The following FBXO42 variants were observed in gnomAD, a reference collection of about 807,000 sequenced individuals.
The protein encoded by FBXO42 is F-box only protein 42.
In FBXO42, 12 loss-of-function variants were observed where a neutral mutation model predicts 71.7. That is an observed-to-expected ratio of 0.17 (90% confidence interval 0.11 to 0.27). The LOEUF (loss-of-function observed/expected upper bound fraction) is 0.27, where lower values mean the gene tolerates loss of function less well. FBXO42 is among the 10% of genes least tolerant of loss of function. FBXO42 has a pLI of 1.00. For missense variants in FBXO42, 707 were observed against 911.9 expected, an observed-to-expected ratio of 0.78 and a Z score of 2.89; for synonymous variants, 325 against 327.5, an observed-to-expected ratio of 0.99 and a Z score of 0.08.
At chr1:16,316,303 A>AC (rs1019290496) in intron 1 of FBXO42, among the ~76,000 whole-genome samples, 2 of 151,848 alleles carry the variant, frequency 1.3e-5, no homozygotes, top group African/African-American at 4.8e-5. Flanking sequence ...TGTGGTGTTT[A>AC]CCCCGAGATA....
intron 4 of FBXO42, among the ~76,000 whole-genome samples, chr1:16,263,778 A>C (rs556457414): frequency 6.6e-6 from 1 of 151,650 alleles, no homozygotes; most frequent in African/African-American, 2.4e-5. Flanking sequence ...AAACAAAACA[A>C]AAACAAAAAA....
rs12038030 is a variant in FBXO42, at chr1:16,330,126, T to C, written c.-17-14691A>G. ...ATGTAGCTAGACACTAAGCTAGTTT[T>C]ACAATGGACAGAAAGTAATTTCATT... On this transcript the variant is annotated intron_variant, in intron 1 of 9. Coordinates refer to ENST00000375592, the MANE Select transcript of FBXO42 (RefSeq NM_018994.3). Among the ~76,000 whole-genome samples, 747 of 152,350 alleles carry C rather than the reference T, an allele frequency of 4.9e-3. 20 individuals carry two copies. The highest frequency in any genetic ancestry group is 0.042 in the East Asian group (218 of 5,192).
chr1:16,273,385 T>C (rs1038407326), intron 4 of FBXO42, among the ~76,000 whole-genome samples: 1 of 152,198 alleles, frequency 6.6e-6, no homozygotes, highest in African/African-American at 2.4e-5. Flanking sequence ...TACTTAGTTA[T>C]ATCATCAGAT....
At chr1:16,285,757 A>G (rs2082015386) in intron 4 of FBXO42, among the ~76,000 whole-genome samples, 1 of 152,150 alleles carries the variant, frequency 6.6e-6, no homozygotes, top group South Asian at 2.1e-4. Flanking sequence ...CTGGCTTCCC[A>G]GATGCCACAT....
Position 16,249,277 on chromosome 1 carries a change from T to C in FBXO42, c.*1393A>G, listed in dbSNP as rs948699421. The C allele has an allele frequency of 2.0e-5, 3 of 152,238 alleles. No homozygotes were observed. Among genetic ancestry groups the C allele is most frequent in the East Asian group, 3.8e-4 (2 of 5,202 alleles). The allele number at this position is 152,238 out of a possible 1,614,324, so 9.4% of individuals were successfully genotyped here. On this transcript the variant is annotated 3_prime_UTR_variant, in exon 10 of 10. Coordinates refer to ENST00000375592, the MANE Select transcript of FBXO42 (RefSeq NM_018994.3). ...TGTATCAAGCAAAGAAATGCTCTACTTGGTTACACCTTAATCTCAGAAATG... is the reference window on the plus strand; with the variant it reads ...TGTATCAAGCAAAGAAATGCTCTACCTGGTTACACCTTAATCTCAGAAATG...
At chr1:16,290,362 C>T (rs1313981903) in intron 4 of FBXO42, among the ~76,000 whole-genome samples, 2 of 152,082 alleles carry the variant, frequency 1.3e-5, no homozygotes, top group African/African-American at 4.8e-5. Flanking sequence ...TAGATGAGGT[C>T]ATGAGGGTAG....
chr1:16,289,063 C>T (rs2082051480), intron 4 of FBXO42, among the ~76,000 whole-genome samples: 1 of 151,544 alleles, frequency 6.6e-6, no homozygotes, highest in Non-Finnish European at 1.5e-5. Context: ...TTCTTGCCTT[C>T]CTTCATTTCC....
At chr1:16,319,369 A>G (rs888487140) in intron 1 of FBXO42, among the ~76,000 whole-genome samples, 1 of 152,218 alleles carries the variant, frequency 6.6e-6, no homozygotes, top group Non-Finnish European at 1.5e-5. Flanking sequence ...GAACTCATAA[A>G]ATTGCTTCCC....
intron 6 of FBXO42, 93 bp from the exon 7 acceptor site, chr1:16,253,824 GCAAACTTGCA>G: frequency 9.0e-7 from 1 of 1,106,032 alleles, no homozygotes. Flanking sequence ...GGCCCATCTG[GCAAACTTGCA>G]CCATTTTCAC....
At position 16,341,472 on chromosome 1, in the gene FBXO42, C is replaced by T. The variant is rs144451540; in HGVS notation, c.-18+10783G>A. Among the ~76,000 whole-genome samples, 361 of 151,706 alleles carry T rather than the reference C, an allele frequency of 2.4e-3. 7 individuals are homozygous for T. The East Asian group carries it at 0.055, about 23-fold the overall frequency. ...AAAATTATTTGGGAGTGGTGGTGCACGCCTGTAATCCCAGCTACTCAGGAG... is the reference window on the plus strand; with the variant it reads ...AAAATTATTTGGGAGTGGTGGTGCATGCCTGTAATCCCAGCTACTCAGGAG... On this transcript the variant is annotated intron_variant, in intron 1 of 9. Transcript: ENST00000375592.
At chr1:16,325,696 AC>A (rs1440612307) in intron 1 of FBXO42, among the ~76,000 whole-genome samples, 2 of 152,096 alleles carry the variant, frequency 1.3e-5, no homozygotes, top group African/African-American at 4.8e-5. Context: ...TGGCTTTGTC[AC>A]CTAGGCTGGA....
chr1:16,304,729 G>A (rs2082232104), intron 3 of FBXO42, among the ~76,000 whole-genome samples: 1 of 152,072 alleles, frequency 6.6e-6, no homozygotes, highest in Non-Finnish European at 1.5e-5. Flanking sequence ...AGCACTTTGG[G>A]AGGCCGAGGT....
At chr1:16,346,211 C>G (rs1310155361) in intron 1 of FBXO42, among the ~76,000 whole-genome samples, 2 of 152,102 alleles carry the variant, frequency 1.3e-5, no homozygotes, top group Non-Finnish European at 2.9e-5. Flanking sequence ...AGTAAACACC[C>G]TACCTTATTA....
At chr1:16,292,960 C>G (rs2082094665) in intron 4 of FBXO42, 1 of 152,144 alleles carries the variant, frequency 6.6e-6, no homozygotes, top group Non-Finnish European at 1.5e-5. Context: ...GCCTGGGTGA[C>G]AAAGCAAGAT....
chr1:16,313,543 C>G (rs2082336729), intron 2 of FBXO42, among the ~76,000 whole-genome samples: 1 of 152,106 alleles, frequency 6.6e-6, no homozygotes. Flanking sequence ...CCCATCAACT[C>G]AGAATATAGA....
intron 3 of FBXO42, among the ~76,000 whole-genome samples, chr1:16,299,377 T>A (rs2082167461): frequency 6.6e-6 from 1 of 152,162 alleles, no homozygotes. Context: ...CCTTACCACA[T>A]GTATTTTAAT....
chr1:16,329,479 G>C (rs2082477892), intron 1 of FBXO42, among the ~76,000 whole-genome samples: 1 of 151,956 alleles, frequency 6.6e-6, no homozygotes, highest in South Asian at 2.1e-4. Context: ...AGCTACTTGG[G>C]AGGCTGAGGC....
chr1:16,254,206 G>T (rs2081617805), intron 6 of FBXO42, among the ~76,000 whole-genome samples: 1 of 152,138 alleles, frequency 6.6e-6, no homozygotes, highest in Non-Finnish European at 1.5e-5. Context: ...AGTGCCTAAT[G>T]AGATTATTTT....
At chr1:16,339,886 C>T (rs1033739064) in intron 1 of FBXO42, among the ~76,000 whole-genome samples, 3 of 152,144 alleles carry the variant, frequency 2.0e-5, no homozygotes, top group Non-Finnish European at 2.9e-5. Flanking sequence ...CTGGGAAATC[C>T]AGGCTGCAGT....
Sources: allele counts gnomAD v4.1 joint callset (sites outside exome capture counted in the v4.1 genomes callset), GRCh38; gene constraint gnomAD v4.1.1; transcripts MANE v1.5; gene names NCBI Gene and HGNC (gene_info 2026-07-23, HGNC 2026-07-21).